Variants in PCDHGA12 observed in about 807,000 individuals in gnomAD.
PCDHGA12 encodes the protein protocadherin gamma subfamily A, 12.
A neutral mutation model predicts 61.1 loss-of-function variants in PCDHGA12; 43 were observed. The observed-to-expected ratio is 0.70, with a 90% CI of 0.55 to 0.91. The LOEUF (loss-of-function observed/expected upper bound fraction) is 0.91. PCDHGA12 is among the 40% of genes least tolerant of loss of function. PCDHGA12 has a pLI of 0.00. For missense variants in PCDHGA12, 1,236 were observed against 1,227.7 expected (o/e 1.01, Z -0.10); for synonymous variants, 520 against 542.9 (o/e 0.96, Z 0.59).
chr5:141,472,980 C>CAAAAAAAAAAAAAAAAAAGAAAAAAA (rs60579131), intron 1 of PCDHGA12, among the ~76,000 whole-genome samples: 1 of 86,106 alleles, frequency 1.2e-5, no homozygotes, highest in South Asian at 4.3e-4. Flanking sequence ...GAGTGAAACT[C>CAAAAAAAAAAAAAAAAAAGAAAAAAA]AAAAAAAAAA....
At position 141,489,258 on chromosome 5, in the gene PCDHGA12, C is replaced by T. The variant is rs1594800449; in HGVS notation, c.2425-5549C>T. 3.2e-6 allele frequency: 5 copies of T among 1,551,530 alleles called. No individual in the cohort carries two copies. Among genetic ancestry groups the T allele is most frequent in the African/African-American group, 1.4e-5 (1 of 73,276 alleles). On this transcript the variant is annotated intron_variant, in intron 1 of 3. Coordinates refer to ENST00000252085, the MANE Select transcript of PCDHGA12 (RefSeq NM_003735.3). This position sits in a 1 kb window ranked among gnomAD's most constrained non-coding sequence, Gnocchi z 4.5. Reference sequence around the variant, plus strand: ...TCTGGGTCATGGGGCCCAAGACACTCCCACAGCTCGCTGGGAAATGGCAAG... The same window carrying T: ...TCTGGGTCATGGGGCCCAAGACACTTCCACAGCTCGCTGGGAAATGGCAAG...
chr5:141,462,599 T>TGG (rs2099043404), intron 1 of PCDHGA12, among the ~76,000 whole-genome samples: 1 of 152,208 alleles, frequency 6.6e-6, no homozygotes, highest in African/African-American at 2.4e-5. Context: ...CCATTTCATA[T>TGG]ATTGTATTTT....
chr5:141,499,682 C>T, intron 2 of PCDHGA12, among the ~76,000 whole-genome samples: 1 of 148,196 alleles, frequency 6.7e-6, no homozygotes, highest in South Asian at 2.1e-4. Flanking sequence ...CCATCTTTAA[C>T]AGATGACTTT....
intron 1 of PCDHGA12, 42 bp downstream of exon 1, chr5:141,433,225 G>A: frequency 6.6e-7 from 1 of 1,517,048 alleles, no homozygotes; most frequent in Non-Finnish European, 9.0e-7. Flanking sequence ...TTTTTTAATT[G>A]CTCTGTCTCC....
rs549786394 is a variant in PCDHGA12, at chr5:141,430,595, G to T, written c.-165G>T. ...CGGAGATCCTGCTCGCCTTGCACGC[G>T]CCTGAAGCACAAAGCAGATAGCTAG... On this transcript the variant is annotated 5_prime_UTR_variant, in exon 1 of 4. Coordinates refer to ENST00000252085, the MANE Select transcript of PCDHGA12 (RefSeq NM_003735.3). 3 of 567,018 alleles carry T rather than the reference G, an allele frequency of 5.3e-6. No homozygotes were observed. The highest frequency in any genetic ancestry group is 1.9e-5 in the African/African-American group (1 of 51,936). The allele number at this position is 567,018 out of a possible 1,614,324, so 35.1% of individuals were successfully genotyped here. A position where few individuals can be genotyped will look rare whatever the true frequency, so the allele number is the denominator to read the frequency against.
chr5:141,484,716 G>C (rs1375103858), intron 1 of PCDHGA12, among the ~76,000 whole-genome samples: 1 of 152,030 alleles, frequency 6.6e-6, no homozygotes, highest in African/African-American at 2.4e-5. Context: ...CGCCGAAAAG[G>C]GGCGGGGTCA....
intron 1 of PCDHGA12, among the ~76,000 whole-genome samples, chr5:141,456,733 G>A (rs1186997201): frequency 6.6e-6 from 1 of 152,182 alleles, no homozygotes; most frequent in Non-Finnish European, 1.5e-5. Context: ...GGGAGGCTGA[G>A]GCGGGAGCAT....
intron 1 of PCDHGA12, among the ~76,000 whole-genome samples, chr5:141,449,177 G>T (rs2098631167): frequency 6.6e-6 from 1 of 152,028 alleles, no homozygotes. Flanking sequence ...AATTTTCTTA[G>T]GTATTTTCAC....
intron 1 of PCDHGA12, chr5:141,478,684 T>C: frequency 6.4e-7 from 1 of 1,551,340 alleles, no homozygotes; most frequent in Non-Finnish European, 8.7e-7. Flanking sequence ...TGGCCCTTCC[T>C]AGATCAAAGT....
Position 141,487,491 on chromosome 5 carries a change from C to T in PCDHGA12, c.2425-7316C>T. ...GTGGGAGGCCACTCTCATGGCTGTA[C>T]ACCCTTGGCTTCTGCACCCACTCGG... is the stretch of plus-strand genomic sequence containing the variant. On this transcript the variant is annotated intron_variant, in intron 1 of 3. Transcript: ENST00000252085. This position sits in a 1 kb window ranked among gnomAD's most constrained non-coding sequence, Gnocchi z 5.0. 6.2e-7 allele frequency: 1 copy of T among 1,614,204 alleles called. No individual in the cohort carries two copies. Among genetic ancestry groups the T allele is most frequent in the Non-Finnish European group, 8.5e-7 (1 of 1,180,034 alleles).
chr5:141,501,374 T>A (rs2099808767), intron 2 of PCDHGA12, among the ~76,000 whole-genome samples: 1 of 151,106 alleles, frequency 6.6e-6, no homozygotes. Context: ...CATCATCTCT[T>A]AAATCCTAGG....
intron 1 of PCDHGA12, chr5:141,441,502 T>G (rs2098250414): frequency 5.8e-6 from 1 of 173,754 alleles, no homozygotes; most frequent in African/African-American, 2.4e-5. Context: ...CTACCAGGCC[T>G]CCTACGTCGT....
chr5:141,473,879 C>G (rs937312573), intron 1 of PCDHGA12, among the ~76,000 whole-genome samples: 2 of 152,120 alleles, frequency 1.3e-5, no homozygotes, highest in Admixed American at 1.3e-4. Context: ...AATGCATACA[C>G]AAGGGTTCTG....
intron 2 of PCDHGA12, among the ~76,000 whole-genome samples, chr5:141,496,054 G>A (rs180707408): frequency 6.6e-6 from 1 of 150,988 alleles, no homozygotes; most frequent in Admixed American, 6.6e-5. Context: ...TTTTGTGCTT[G>A]TGGGCAAGCC....
intron 1 of PCDHGA12, among the ~76,000 whole-genome samples, chr5:141,452,253 T>G (rs2098736880): frequency 6.6e-6 from 1 of 152,166 alleles, no homozygotes; most frequent in Admixed American, 6.5e-5. Context: ...TTGCCATAAC[T>G]CTCTCATTTT....
At chr5:141,479,936 T>C (rs532302710) in intron 1 of PCDHGA12, among the ~76,000 whole-genome samples, 97 of 152,340 alleles carry the variant, frequency 6.4e-4, no homozygotes, top group African/African-American at 2.2e-3. Flanking sequence ...ATCATTGCTA[T>C]CAACTCTTGG....
intron 3 of PCDHGA12, 149 bp downstream of exon 3, chr5:141,505,630 A>T: frequency 6.8e-7 from 1 of 1,480,262 alleles, no homozygotes; most frequent in East Asian, 2.4e-5. Flanking sequence ...AATTCCAAAC[A>T]TAAAGCCTGG....
intron 1 of PCDHGA12, among the ~76,000 whole-genome samples, chr5:141,488,738 A>G (rs1462948813): frequency 1.3e-5 from 2 of 152,222 alleles, no homozygotes; most frequent in Non-Finnish European, 2.9e-5. Context: ...TTCTGAAGTC[A>G]TGCAGGAAGT....
chr5:141,477,296 G>C lies in PCDHGA12; in HGVS notation c.2425-17511G>C. On this transcript the variant is annotated intron_variant, in intron 1 of 3. Transcript: ENST00000252085. This position sits in a 1 kb window ranked among gnomAD's most constrained non-coding sequence, Gnocchi z 4.9. ...GCTGGTGACCTGCGAAGTTCCACCG[G>C]GTCTCCCTTTCAGCCTTACTTCTTC... 3 of 1,614,064 alleles carry C rather than the reference G, an allele frequency of 1.9e-6. No individual in the cohort carries two copies. Among genetic ancestry groups the C allele is most frequent in the African/African-American group, 1.3e-5 (1 of 75,014 alleles).
Sources: allele counts gnomAD v4.1 joint callset (sites outside exome capture counted in the v4.1 genomes callset), GRCh38; gene constraint gnomAD v4.1.1; non-coding constraint Gnocchi (gnomAD v3.1); transcripts MANE v1.5; gene names NCBI Gene and HGNC (gene_info 2026-07-23, HGNC 2026-07-21).